Variants in PLCB4 observed in about 807,000 individuals in gnomAD.
The protein encoded by PLCB4 is 1-phosphatidylinositol 4,5-bisphosphate phosphodiesterase beta-4.
In PLCB4, 77 loss-of-function variants were observed where a neutral mutation model predicts 178.8. The observed-to-expected ratio is 0.43, with a 90% CI of 0.36 to 0.52. The LOEUF (loss-of-function observed/expected upper bound fraction) is 0.52, where lower values mean the gene tolerates loss of function less well. Among genes scored for constraint, PLCB4 ranks in the 20% least tolerant of loss-of-function variants. The pLI is 0.00. For missense variants in PLCB4, 1,024 were observed against 1,453.4 expected (o/e 0.70, Z 4.80); for synonymous variants, 496 against 490.8 (o/e 1.01, Z -0.14).
chr20:9,118,193 G>A (rs1402029592), intron 2 of PLCB4, among the ~76,000 whole-genome samples: 2 of 148,842 alleles, frequency 1.3e-5, no homozygotes, highest in Non-Finnish European at 3.0e-5. Context: ...CTAGCATTAG[G>A]TATATCTCCC....
At chr20:9,242,838 G>A (rs1323489680) in intron 3 of PLCB4, among the ~76,000 whole-genome samples, 1 of 152,146 alleles carries the variant, frequency 6.6e-6, no homozygotes, top group African/African-American at 2.4e-5. Flanking sequence ...GTAGGAGTGG[G>A]ATCTAGGCAT....
Position 9,476,251 on chromosome 20 carries a change from T to C in PLCB4, c.3496-466T>C, listed in dbSNP as rs139759941. ...CTACTTGGTCAGCCAACTATTCACT[T>C]AACACTCTGAAGGTTGGGGATGTTT... On this transcript the variant is annotated intron_variant, in intron 38 of 39. Transcript: ENST00000378473. Among the ~76,000 whole-genome samples, 212 of 152,316 alleles carry C rather than the reference T, an allele frequency of 1.4e-3. 3 individuals carry two copies. The highest frequency in any genetic ancestry group is 0.01 in the Middle Eastern group (3 of 294).
chr20:9,324,174 CAAA>C (rs112627020), intron 4 of PLCB4, among the ~76,000 whole-genome samples: 5 of 135,130 alleles, frequency 3.7e-5, no homozygotes, highest in Non-Finnish European at 3.2e-5. Flanking sequence ...GGTCCTGTCT[CAAA>C]AAAAAAAAAA....
At chr20:9,087,168 A>G (rs2090467947) in intron 1 of PLCB4, among the ~76,000 whole-genome samples, 1 of 152,222 alleles carries the variant, frequency 6.6e-6, no homozygotes, top group Non-Finnish European at 1.5e-5. Context: ...GTCCATTTAC[A>G]TTTAAAGTTG....
intron 1 of PLCB4, among the ~76,000 whole-genome samples, chr20:9,074,446 T>C (rs2089731478): frequency 6.6e-6 from 1 of 152,172 alleles, no homozygotes; most frequent in African/African-American, 2.4e-5. Context: ...TACTGCCCCT[T>C]CTCCTAATGG....
chr20:9,114,203 G>A (rs1462809611), intron 2 of PLCB4, among the ~76,000 whole-genome samples: 1 of 152,124 alleles, frequency 6.6e-6, no homozygotes, highest in Non-Finnish European at 1.5e-5. Context: ...AACAGAGAGA[G>A]ACTTTGTCTT....
chr20:9,340,085 G>C lies in PLCB4; in HGVS notation c.369+1048G>C, dbSNP rs186867045. Among the ~76,000 whole-genome samples the C allele has an allele frequency of 2.0e-3, 298 of 152,212 alleles. 1 individual carries two copies. Among genetic ancestry groups the C allele is most frequent in the African/African-American group, 6.5e-3 (271 of 41,544 alleles). ...ACCCTATAATTGGAAACTCAGTGTA[G>C]GTTGAATGAGAGAGGGTTCCAACAA... On this transcript the variant is annotated intron_variant, in intron 7 of 39. Transcript: ENST00000378473.
rs768768315 is a variant in PLCB4 at position 9,078,449 on chromosome 20, C to T, written c.-135+9243C>T. On this transcript the variant is annotated intron_variant, in intron 1 of 39. Coordinates refer to ENST00000378473, the MANE Select transcript of PLCB4 (RefSeq NM_001377142.1). ...TTGCCCAGGCTGGAGTGCAGTGGTG[C>T]GATCTCGGCTCACTGCAACCTCTGC... Among the ~76,000 whole-genome samples, 139 of 151,414 alleles carry T rather than the reference C, an allele frequency of 9.2e-4. 3 individuals are homozygous for T. Among genetic ancestry groups the T allele is most frequent in the Non-Finnish European group, 2.9e-4 (20 of 67,936 alleles).
At chr20:9,085,752 A>G (rs1346735817) in intron 1 of PLCB4, among the ~76,000 whole-genome samples, 1 of 152,204 alleles carries the variant, frequency 6.6e-6, no homozygotes, top group Non-Finnish European at 1.5e-5. Context: ...GACCAGCGTG[A>G]TTGTAAATCA....
At chr20:9,264,425 G>A (rs1428262795) in intron 3 of PLCB4, among the ~76,000 whole-genome samples, 1 of 152,152 alleles carries the variant, frequency 6.6e-6, no homozygotes, top group Non-Finnish European at 1.5e-5. Flanking sequence ...TGTAATAGAA[G>A]TGATCAGATG....
intron 2 of PLCB4, among the ~76,000 whole-genome samples, chr20:9,197,105 A>C (rs1489853375): frequency 1.3e-5 from 2 of 152,240 alleles, no homozygotes; most frequent in African/African-American, 4.8e-5. Context: ...TAATGATTAG[A>C]GGAGAGTTAA....
chr20:9,393,439 T>G, intron 17 of PLCB4, 149 bp from the exon 18 acceptor site: 1 of 590,034 alleles, frequency 1.7e-6, no homozygotes, highest in Non-Finnish European at 3.0e-6. Flanking sequence ...TAATTTGGGT[T>G]GGGGAGTGAA....
At chr20:9,384,130 T>C in intron 13 of PLCB4, 71 bp from the exon 14 acceptor site, 1 of 1,165,424 alleles carries the variant, frequency 8.6e-7, no homozygotes, top group Non-Finnish European at 1.3e-6. Context: ...CTGCCTCAGC[T>C]TCCATGAATA....
intron 32 of PLCB4, among the ~76,000 whole-genome samples, chr20:9,451,087 A>T (rs1398740414): frequency 6.6e-6 from 1 of 152,178 alleles, no homozygotes; most frequent in Non-Finnish European, 1.5e-5. Context: ...CTTTTTATTC[A>T]TGCGATAAAT....
chr20:9,298,427 A>G (rs1415613721), intron 3 of PLCB4, among the ~76,000 whole-genome samples: 3 of 152,046 alleles, frequency 2.0e-5, no homozygotes. Context: ...ATGAGGAAAG[A>G]TATTACTTTT....
chr20:9,362,095 C>T (rs777852003), intron 7 of PLCB4, among the ~76,000 whole-genome samples: 6 of 152,122 alleles, frequency 3.9e-5, no homozygotes, highest in Non-Finnish European at 8.8e-5. Flanking sequence ...TGTGGGCCAC[C>T]GTTCTATTTA....
In PLCB4 at chr20:9,176,169, T is replaced by C. The variant is rs1054954289; in HGVS notation, c.-78-41221T>C. ...GAATTATGTTTCAGAGATTCCTCCA[T>C]GCTATTGTTTCCTCTATAGCTTTTT... On this transcript the variant is annotated intron_variant, in intron 2 of 39. Transcript: ENST00000378473. 2.0e-5 allele frequency among the ~76,000 whole-genome samples: 3 copies of C among 152,340 alleles called. No individual in the cohort carries two copies. The Middle Eastern group carries it at 0.01, about 518-fold the overall frequency.
intron 31 of PLCB4, 53 bp downstream of exon 31, chr20:9,444,083 C>A: frequency 1.4e-6 from 2 of 1,431,318 alleles, no homozygotes; most frequent in Non-Finnish European, 2.0e-6. Context: ...ATATTGGTGA[C>A]ACCAATATAT....
chr20:9,144,679 G>A (rs2092559025), intron 2 of PLCB4, among the ~76,000 whole-genome samples: 1 of 121,170 alleles, frequency 8.3e-6, no homozygotes, highest in Admixed American at 8.8e-5. Flanking sequence ...GGAGGAGGGG[G>A]AAGGAGGGGG....
Sources: allele counts gnomAD v4.1 joint callset (sites outside exome capture counted in the v4.1 genomes callset), GRCh38; gene constraint gnomAD v4.1.1; transcripts MANE v1.5; gene names NCBI Gene and HGNC (gene_info 2026-07-23, HGNC 2026-07-21).